Variants in GNPNAT1 observed in about 807,000 individuals in gnomAD.
GNPNAT1 encodes the protein glucosamine-phosphate N-acetyltransferase 1, also known as glucosamine 6-phosphate N-acetyltransferase.
Under a neutral mutation model 19.8 loss-of-function variants are expected in GNPNAT1, and 11 were observed. The ratio of observed to expected loss-of-function variants is 0.56; its 90% CI spans 0.35 to 0.92. The LOEUF is 0.92. Ranked by LOEUF, GNPNAT1 falls within the 40% of genes least tolerant of loss-of-function variation. The probability of loss-of-function intolerance (pLI) is 0.01; values close to 1 mark genes in which losing one functional copy is unlikely to be tolerated. For missense variants in GNPNAT1, 157 were observed against 211.0 expected, an observed-to-expected ratio of 0.74 and a Z score of 1.59; for synonymous variants, 71 against 72.3, an observed-to-expected ratio of 0.98 and a Z score of 0.09.
rs1316484890 is a variant in GNPNAT1 at position 52,784,525 on chromosome 14, C to T, written c.126G>A (p.Arg42=). The T allele has an allele frequency of 6.2e-7, 1 of 1,605,108 alleles. No individual in the cohort carries two copies. The highest frequency in any genetic ancestry group is 8.5e-7 in the Non-Finnish European group (1 of 1,177,120). ...PTHPGEGLVL[R]PLCTADLNRG... is the part of the protein sequence containing the mutation. ...TATTTAAGTCAGCAGTACAAAGAGG[C>T]CTCAAAACCAAGCCTTCTCCAGGAT... The change falls in exon 2 of 6, where the codon AGG becomes AGA. Residue 42 remains arginine, a synonymous_variant. Coordinates refer to ENST00000216410, the MANE Select transcript of GNPNAT1 (RefSeq NM_198066.4).
intron 4 of GNPNAT1, 104 bp from the exon 5 acceptor site, chr14:52,780,844 T>G (rs766184249): frequency 7.3e-6 from 5 of 681,742 alleles, no homozygotes; most frequent in Middle Eastern, 3.3e-4. Flanking sequence ...TTTTGTAAAC[T>G]TGAACTTAAC....
At chr14:52,786,914 C>A (rs940995434) in intron 1 of GNPNAT1, among the ~76,000 whole-genome samples, 1 of 118,314 alleles carries the variant, frequency 8.5e-6, no homozygotes, top group African/African-American at 3.3e-5. Flanking sequence ...TTTGCATATA[C>A]ATAATGAGAT....
At chr14:52,790,151 G>T (rs1883133350) in intron 1 of GNPNAT1, among the ~76,000 whole-genome samples, 1 of 152,168 alleles carries the variant, frequency 6.6e-6, no homozygotes, top group African/African-American at 2.4e-5. Flanking sequence ...TCTGTATCAG[G>T]TTGGAATACG....
At chr14:52,781,735 C>T (rs200643394) in intron 4 of GNPNAT1, 49 bp downstream of exon 4, 301 of 1,535,608 alleles carry the variant, frequency 2.0e-4, no homozygotes, top group Non-Finnish European at 2.4e-4. Flanking sequence ...AACTCAAAGT[C>T]AGTTGTGCTA....
Position 52,776,014 on chromosome 14 carries a change from T to A in GNPNAT1, c.*2297A>T, listed in dbSNP as rs1457920513. 3 of 151,788 alleles carry A rather than the reference T, an allele frequency of 2.0e-5. No individual in the cohort carries two copies. The highest frequency in any genetic ancestry group is 3.1e-3 in the Middle Eastern group (1 of 320). The allele number at this position is 151,788 out of a possible 1,614,324, so 9.4% of individuals were successfully genotyped here. A position where few individuals can be genotyped will look rare whatever the true frequency, so the allele number is the denominator to read the frequency against. Reference sequence around the variant, plus strand: ...GGCAACATAGACTCCACACAAAAAATTTTTTTAATTAGCTGGGTGTGGTGG... The same window carrying A: ...GGCAACATAGACTCCACACAAAAAAATTTTTTAATTAGCTGGGTGTGGTGG... On this transcript the variant is annotated 3_prime_UTR_variant, in exon 6 of 6. Transcript: ENST00000216410.
Position 52,784,620 on chromosome 14 carries a change from G to T in GNPNAT1, c.31C>A (p.Pro11Thr). 1 of 1,585,516 alleles carries T rather than the reference G, an allele frequency of 6.3e-7. No individual in the cohort carries two copies. Among genetic ancestry groups the T allele is most frequent in the Non-Finnish European group, 8.6e-7 (1 of 1,164,860 alleles). Residue 11 changes from proline (P) to threonine (T), a missense_variant, in exon 2 of 6, where the codon CCA becomes ACA. By Grantham distance (38) the Pro-to-Thr change is conservative. Transcript: ENST00000216410. MKPDETPMFDPSLLKEVDWSQ... is the reference protein window; with the variant it reads MKPDETPMFDTSLLKEVDWSQ... Reference sequence around the variant, plus strand: ...CAGTCCACTTCTTTGAGTAGACTTGGGTCAAACATAGGAGTTTCATCAGGT... The same window carrying T: ...CAGTCCACTTCTTTGAGTAGACTTGTGTCAAACATAGGAGTTTCATCAGGT...
At chr14:52,785,723 C>T (rs1164742247) in intron 1 of GNPNAT1, among the ~76,000 whole-genome samples, 1 of 151,010 alleles carries the variant, frequency 6.6e-6, no homozygotes, top group Non-Finnish European at 1.5e-5. Flanking sequence ...GTGAAATTCC[C>T]TCTCAAAAAA....
chr14:52,785,625 A>G (rs1443854175), intron 1 of GNPNAT1, among the ~76,000 whole-genome samples: 1 of 150,100 alleles, frequency 6.7e-6, no homozygotes, highest in East Asian at 2.1e-4. Context: ...CGGGAGGCTG[A>G]GGCAGGAGAA....
chr14:52,784,249 T>C (rs1448672597), intron 2 of GNPNAT1, among the ~76,000 whole-genome samples: 3 of 152,232 alleles, frequency 2.0e-5, no homozygotes, highest in African/African-American at 7.2e-5. Context: ...TTTTTGTTTA[T>C]GAGAAATCTT....
In GNPNAT1 at chr14:52,778,243, A is replaced by C; in HGVS notation, c.*68T>G. 7.9e-7 allele frequency: 1 copy of C among 1,261,350 alleles called. No homozygotes were observed. Among genetic ancestry groups the C allele is most frequent in the South Asian group, 1.7e-5 (1 of 59,518 alleles). The allele number at this position is 1,261,350 out of a possible 1,614,324, so 78.1% of individuals were successfully genotyped here. On this transcript the variant is annotated 3_prime_UTR_variant, in exon 6 of 6. Coordinates refer to ENST00000216410, the MANE Select transcript of GNPNAT1 (RefSeq NM_198066.4). ...GAGGTCACTCGGCTGCAGCAACAAA[A>C]TATTTCAACTCTAGGAAGAGTGTAG...
intron 1 of GNPNAT1, among the ~76,000 whole-genome samples, chr14:52,785,288 A>G (rs1409868294): frequency 2.6e-5 from 4 of 152,060 alleles, no homozygotes; most frequent in African/African-American, 7.2e-5. Context: ...TGAATAGCTG[A>G]CTTTTCATGG....
chr14:52,790,117 CTT>C (rs1345186217), intron 1 of GNPNAT1, among the ~76,000 whole-genome samples: 2 of 151,872 alleles, frequency 1.3e-5, no homozygotes, highest in East Asian at 3.9e-4. Context: ...TTAAACAAAA[CTT>C]CAACTATTTG....
Position 52,778,284 on chromosome 14 carries a change from C to A in GNPNAT1, c.*27G>T. ...AAGAGTGTAGCCTTGTAGCATTAGC[C>A]CCTTTGACAATTTTCTTACAAGATT... On this transcript the variant is annotated 3_prime_UTR_variant, in exon 6 of 6. Coordinates refer to ENST00000216410, the MANE Select transcript of GNPNAT1 (RefSeq NM_198066.4). 6.5e-7 allele frequency: 1 copy of A among 1,548,888 alleles called. No homozygotes were observed. Among genetic ancestry groups the A allele is most frequent in the Non-Finnish European group, 8.7e-7 (1 of 1,147,446 alleles).
intron 1 of GNPNAT1, among the ~76,000 whole-genome samples, chr14:52,786,226 C>G (rs1883015542): frequency 6.6e-6 from 1 of 151,654 alleles, no homozygotes; most frequent in South Asian, 2.1e-4. Flanking sequence ...TGGTATGGAC[C>G]AGGCATGGTG....
chr14:52,786,590 T>G (rs1883024375), intron 1 of GNPNAT1, among the ~76,000 whole-genome samples: 1 of 152,126 alleles, frequency 6.6e-6, no homozygotes, highest in Non-Finnish European at 1.5e-5. Flanking sequence ...TTCATGCTAT[T>G]GAAAAGTGAT....
At chr14:52,790,883 T>C (rs903421888) in intron 1 of GNPNAT1, among the ~76,000 whole-genome samples, 1 of 152,138 alleles carries the variant, frequency 6.6e-6, no homozygotes, top group East Asian at 1.9e-4. Flanking sequence ...CAGTACTCGG[T>C]ATTTCTAGGG....
Position 52,788,610 on chromosome 14 carries a change from T to C in GNPNAT1, c.-15+2818A>G, listed in dbSNP as rs531644773. 7.9e-5 allele frequency among the ~76,000 whole-genome samples: 12 copies of C among 152,324 alleles called. No homozygotes were observed. The South Asian group carries it at 1.5e-3, about 18-fold the overall frequency. ...AGTGAAATGTGTACAGTATTAAAAATGTAAATTCCTCGAGGCAGCACACTA... is the reference window on the plus strand; with the variant it reads ...AGTGAAATGTGTACAGTATTAAAAACGTAAATTCCTCGAGGCAGCACACTA... On this transcript the variant is annotated intron_variant, in intron 1 of 5. Transcript: ENST00000216410.
chr14:52,783,902 C>T (rs1460312312), intron 2 of GNPNAT1, among the ~76,000 whole-genome samples: 1 of 152,134 alleles, frequency 6.6e-6, no homozygotes, highest in Non-Finnish European at 1.5e-5. Flanking sequence ...AGATTACACT[C>T]TTTAAAATTG....
intron 5 of GNPNAT1, among the ~76,000 whole-genome samples, 157 bp downstream of exon 5, chr14:52,780,519 TATA>T (rs1297735757): frequency 6.6e-6 from 1 of 152,174 alleles, no homozygotes; most frequent in Non-Finnish European, 1.5e-5. Flanking sequence ...GCAAAATATG[TATA>T]ATAATACTTT....
Sources: gnomAD v4.1 joint callset for allele counts (sites outside exome capture counted in the v4.1 genomes callset) on GRCh38, gnomAD v4.1.1 for gene constraint, MANE v1.5 for transcripts, NCBI Gene and HGNC (gene_info 2026-07-23, HGNC 2026-07-21) for gene names.